The following LYRM4 variants were observed in gnomAD, a reference collection of about 807,000 sequenced individuals.
LYRM4 encodes LYR motif containing 4, also known as LYR motif-containing protein 4.
Under a neutral mutation model 11.7 loss-of-function variants are expected in LYRM4, and 9 were observed. The ratio of observed to expected loss-of-function variants is 0.77; its 90% confidence interval spans 0.46 to 1.34. LYRM4 has a LOEUF of 1.34. Ranked by LOEUF, LYRM4 falls within the 40% of genes most tolerant of loss-of-function variation. The pLI, the probability that LYRM4 is intolerant of heterozygous loss-of-function variation, is 0.00. For synonymous variants in LYRM4, 42 were observed against 40.4 expected (o/e 1.04, Z -0.15); for missense variants, 133 against 112.5 (o/e 1.18, Z -0.82).
intron 1 of LYRM4, among the ~76,000 whole-genome samples, chr6:5,243,967 T>C (rs1429171935): frequency 6.6e-6 from 1 of 152,256 alleles, no homozygotes; most frequent in Non-Finnish European, 1.5e-5. Flanking sequence ...ACGTTCTTAT[T>C]TTTTAAAAGG....
intron 2 of LYRM4, among the ~76,000 whole-genome samples, chr6:5,188,496 GT>G (rs1307825013): frequency 1.3e-5 from 2 of 152,154 alleles, no homozygotes; most frequent in African/African-American, 4.8e-5. Flanking sequence ...TATTGGTTGT[GT>G]TTTTGTTCCT....
intron 2 of LYRM4, among the ~76,000 whole-genome samples, chr6:5,117,536 A>G (rs1763177176): frequency 6.7e-6 from 1 of 149,090 alleles, no homozygotes; most frequent in African/African-American, 2.5e-5. Context: ...ACAGAGCGAG[A>G]CTCTGTCTCA....
At chr6:5,230,885 A>G (rs1763198284) in intron 1 of LYRM4, among the ~76,000 whole-genome samples, 1 of 152,214 alleles carries the variant, frequency 6.6e-6, no homozygotes, top group East Asian at 1.9e-4. Flanking sequence ...TGATGAACTC[A>G]GCACAAAAAT....
chr6:5,084,167 AGTGATGTCCGT>A, the LYRM4 span, among the ~76,000 whole-genome samples: 1 of 152,352 alleles, frequency 6.6e-6, no homozygotes, highest in East Asian at 1.9e-4. Flanking sequence ...CGGGCCCCCG[AGTGATGTCCGT>A]GCATGCTGAA....
At position 5,255,531 on chromosome 6, in the gene LYRM4, A is replaced by G. The variant is rs547887407; in HGVS notation, c.86+5117T>C. 1.7e-4 allele frequency among the ~76,000 whole-genome samples: 26 copies of G among 152,246 alleles called. No homozygotes were observed. In the South Asian group the frequency reaches 5.4e-3, roughly 32 times the overall value. On this transcript the variant is annotated intron_variant, in intron 1 of 2. Transcript: ENST00000330636. ...TTTTCTAATATGATAAATGCGTCCC[A>G]CATAAATGAAAGCTTTTTGGGGTCC...
In LYRM4 at chr6:5,121,695, A is replaced by G. The variant is rs546290102; in HGVS notation, c.208-12204T>C. On this transcript the variant is annotated intron_variant, in intron 2 of 2. Coordinates refer to ENST00000330636, the MANE Select transcript of LYRM4 (RefSeq NM_020408.6). ...CTGGCATTTCCCTGGGATGGCGACA[A>G]CAGAGCCCAGGCAAACTGCCAGAGG... 9.8e-5 allele frequency among the ~76,000 whole-genome samples: 15 copies of G among 152,360 alleles called. No homozygotes were observed. The East Asian group carries it at 2.3e-3, about 24-fold the overall frequency.
At chr6:5,122,116 A>G (rs1318698228) in intron 2 of LYRM4, among the ~76,000 whole-genome samples, 1 of 152,174 alleles carries the variant, frequency 6.6e-6, no homozygotes, top group Non-Finnish European at 1.5e-5. Context: ...CTGCGGGAAA[A>G]AGGCACATCC....
At chr6:5,251,533 G>A (rs551845724) in intron 1 of LYRM4, among the ~76,000 whole-genome samples, 7 of 152,280 alleles carry the variant, frequency 4.6e-5, no homozygotes, top group Admixed American at 2.6e-4. Flanking sequence ...GCAAGCAAGC[G>A]AGGAAGGAGA....
chr6:5,065,297 G>C, the LYRM4 span, among the ~76,000 whole-genome samples: 1 of 151,754 alleles, frequency 6.6e-6, no homozygotes, highest in Non-Finnish European at 1.5e-5. Flanking sequence ...TCCAAGCTTT[G>C]GCTTTACATT....
intron 2 of LYRM4, among the ~76,000 whole-genome samples, chr6:5,189,044 A>T (rs563019119): frequency 1.3e-5 from 2 of 152,346 alleles, no homozygotes; most frequent in South Asian, 4.1e-4. Context: ...TACAGCTGTG[A>T]GCCACTGCAT....
At chr6:5,189,564 A>C (rs1760633996) in intron 2 of LYRM4, among the ~76,000 whole-genome samples, 1 of 152,196 alleles carries the variant, frequency 6.6e-6, no homozygotes, top group South Asian at 2.1e-4. Flanking sequence ...ATTTCGGGTG[A>C]CTGAAATTCC....
downstream of LYRM4, among the ~76,000 whole-genome samples, chr6:5,102,351 C>T (rs1441500737): frequency 1.3e-5 from 2 of 152,126 alleles, no homozygotes; most frequent in Non-Finnish European, 2.9e-5. Context: ...GGTCATACAT[C>T]CTGTATGTGC....
the LYRM4 span, among the ~76,000 whole-genome samples, chr6:5,096,387 G>A: frequency 2.6e-5 from 4 of 152,068 alleles, no homozygotes; most frequent in Non-Finnish European, 5.9e-5. Context: ...CTACTTGAGA[G>A]GCTGAGGTAG....
At chr6:5,168,794 G>A (rs928395283) in intron 2 of LYRM4, among the ~76,000 whole-genome samples, 1 of 152,152 alleles carries the variant, frequency 6.6e-6, no homozygotes, top group African/African-American at 2.4e-5. Flanking sequence ...ACGAGAACAC[G>A]CTTCTTCTTA....
chr6:5,130,748 T>C (rs892689120), intron 2 of LYRM4, among the ~76,000 whole-genome samples: 2 of 152,140 alleles, frequency 1.3e-5, no homozygotes, highest in African/African-American at 4.8e-5. Context: ...TGGGAAAAAC[T>C]GGTATCCTCT....
intron 1 of LYRM4, among the ~76,000 whole-genome samples, chr6:5,254,175 G>C (rs577639341): frequency 1.3e-5 from 2 of 152,336 alleles, no homozygotes; most frequent in South Asian, 4.1e-4. Context: ...CGGCCCAACT[G>C]TCTCCATAAT....
At chr6:5,184,067 C>CAA (rs1212068846) in intron 2 of LYRM4, among the ~76,000 whole-genome samples, 2 of 151,860 alleles carry the variant, frequency 1.3e-5, no homozygotes, top group African/African-American at 4.8e-5. Context: ...GAGTAAGAAC[C>CAA]AAAAGTCATA....
chr6:5,113,777 G>A (rs1315992879), intron 2 of LYRM4, among the ~76,000 whole-genome samples: 6 of 151,148 alleles, frequency 4.0e-5, no homozygotes, highest in African/African-American at 1.5e-4. Flanking sequence ...ATGTTGCCCA[G>A]GCTGGTCTTG....
the LYRM4 span, chr6:5,085,755 C>T: frequency 2.6e-6 from 4 of 1,537,272 alleles, no homozygotes; most frequent in African/African-American, 4.2e-5. Context: ...TGCCCGCCGA[C>T]CCCATCTTGC....
Sources: allele counts gnomAD v4.1 joint callset (sites outside exome capture counted in the v4.1 genomes callset), GRCh38; gene constraint gnomAD v4.1.1; transcripts MANE v1.5; gene names NCBI Gene and HGNC (gene_info 2026-07-23, HGNC 2026-07-21).